Variants in SDK2 observed in about 807,000 individuals in gnomAD.
SDK2 encodes the protein protein sidekick-2.
A neutral mutation model predicts 253.9 loss-of-function variants in SDK2; 105 were observed. The ratio of observed to expected loss-of-function variants is 0.41; its 90% confidence interval spans 0.35 to 0.49. The LOEUF is 0.49. SDK2 is among the 20% of genes least tolerant of loss of function. The probability of loss-of-function intolerance (pLI) is 0.06; values close to 1 mark genes in which losing one functional copy is unlikely to be tolerated. For synonymous variants in SDK2, 1,249 were observed against 1,234.9 expected (o/e 1.01, Z -0.24); for missense variants, 2,608 against 3,003.0 (o/e 0.87, Z 3.07).
At chr17:73,572,487 A>C (rs2045401999) in intron 1 of SDK2, among the ~76,000 whole-genome samples, 4 of 146,882 alleles carry the variant, frequency 2.7e-5, no homozygotes, top group Non-Finnish European at 3.0e-5. Flanking sequence ...CCTTCCTCTC[A>C]TGCCAGCCTC....
chr17:73,511,191 A>C lies in SDK2; in HGVS notation c.65-3594T>G, dbSNP rs1271133977. Among the ~76,000 whole-genome samples, 1 of 152,198 alleles carries C rather than the reference A, an allele frequency of 6.6e-6. No individual in the cohort carries two copies. The highest frequency in any genetic ancestry group is 2.4e-5 in the African/African-American group (1 of 41,448). On this transcript the variant is annotated intron_variant, in intron 1 of 44. Transcript: ENST00000392650. The surrounding 1 kb of genome is among the most constrained non-coding windows in gnomAD (Gnocchi z 4.9). The stretch of plus-strand genomic sequence containing the variant: ...TCGCGCTTTTAAAAACCCTCTGTTC[A>C]TTGCTGTCATCACTCGTTTGTTTTA...
At chr17:73,399,889 C>T (rs769792345) in intron 21 of SDK2, among the ~76,000 whole-genome samples, 50 of 152,300 alleles carry the variant, frequency 3.3e-4, no homozygotes, top group Non-Finnish European at 4.0e-4. Flanking sequence ...CACAAGTTAT[C>T]CAACTCTCTG....
intron 1 of SDK2, among the ~76,000 whole-genome samples, chr17:73,605,959 G>T (rs1013659777): frequency 6.7e-6 from 1 of 150,346 alleles, no homozygotes; most frequent in African/African-American, 2.5e-5. Flanking sequence ...GTAGAGTTTG[G>T]TTTTTTCCTT....
At chr17:73,343,241 A>G (rs567600888) in intron 44 of SDK2, among the ~76,000 whole-genome samples, 10 of 152,328 alleles carry the variant, frequency 6.6e-5, no homozygotes, top group African/African-American at 2.4e-4. Flanking sequence ...AAGGCACTAG[A>G]AGGGAGAGCA....
chr17:73,498,248 C>T (rs2145740933), intron 2 of SDK2, among the ~76,000 whole-genome samples: 1 of 152,330 alleles, frequency 6.6e-6, no homozygotes, highest in East Asian at 1.9e-4. Context: ...GGTTTGTCCA[C>T]ACTACTCAAG....
chr17:73,367,138 G>A (rs919010969), intron 37 of SDK2, among the ~76,000 whole-genome samples: 2 of 152,022 alleles, frequency 1.3e-5, no homozygotes, highest in African/African-American at 2.4e-5. Context: ...TGAGTAGCTG[G>A]GATTGGAGAA....
At chr17:73,543,294 C>T (rs1328569672) in intron 1 of SDK2, among the ~76,000 whole-genome samples, 9 of 152,146 alleles carry the variant, frequency 5.9e-5, no homozygotes, top group Non-Finnish European at 8.8e-5. Context: ...AGTGATGGTG[C>T]CCGCACCCTC....
Position 73,368,583 on chromosome 17 carries a change from C to G in SDK2, c.4991G>C (p.Trp1664Ser), listed in dbSNP as rs1317976920. The G allele has an allele frequency of 1.9e-6, 3 of 1,582,758 alleles. No homozygotes were observed. The highest frequency in any genetic ancestry group is 2.6e-6 in the Non-Finnish European group (3 of 1,164,406). ...GDIQGYKIYF[W>S]EAQRGNLTER... ...TGTGAGGTTCCCCCGCTGGGCTTCCCAGAAATAAATCTGTGGGAACAGAAG... is the reference window on the plus strand; with the variant it reads ...TGTGAGGTTCCCCCGCTGGGCTTCCGAGAAATAAATCTGTGGGAACAGAAG... The change falls in exon 37 of 45, where the codon TGG becomes TCG. Residue 1664 changes from tryptophan to serine, a missense_variant. Physicochemically the swap from Trp to Ser is radical, Grantham distance 177. This residue lies in a region of SDK2 where 1,103 missense variants were observed against 1,143.9 expected (regional missense o/e 0.96). Coordinates refer to ENST00000392650, the MANE Select transcript of SDK2 (RefSeq NM_001144952.2).
rs200861505 is a variant in SDK2 at position 73,619,064 on chromosome 17, G to C, written c.64+24961C>G. Among the ~76,000 whole-genome samples, 4 of 151,976 alleles carry C rather than the reference G, an allele frequency of 2.6e-5. No individual in the cohort carries two copies. The East Asian group carries it at 7.7e-4, about 29-fold the overall frequency. On this transcript the variant is annotated intron_variant, in intron 1 of 44. Coordinates refer to ENST00000392650, the MANE Select transcript of SDK2 (RefSeq NM_001144952.2). ...TGCCTGTAATTCCAGCTACTCAGGAGGCTGAGACAAGAGAACTGCTTGAAC... is the reference window on the plus strand; with the variant it reads ...TGCCTGTAATTCCAGCTACTCAGGACGCTGAGACAAGAGAACTGCTTGAAC...
Position 73,368,459 on chromosome 17 carries a change from G to A in SDK2, c.5115C>T (p.Ala1705=), listed in dbSNP as rs376479672. 305 of 1,605,766 alleles carry A rather than the reference G, an allele frequency of 1.9e-4. 3 individuals are homozygous for A. The highest frequency in any genetic ancestry group is 1.6e-3 in the South Asian group (147 of 89,486). Residue 1705 remains alanine (A), a synonymous_variant, in exon 37 of 45, where the codon GCC becomes GCT. Transcript: ENST00000392650. ...AYMVSVAAFN[A]AGDGPRSTPT... Reference sequence around the variant, plus strand: ...GGGTGCTCCGAGGCCCATCCCCAGCGGCGTTGAAGGCGGCCACGCTGACCA... The same window carrying A: ...GGGTGCTCCGAGGCCCATCCCCAGCAGCGTTGAAGGCGGCCACGCTGACCA...
intron 1 of SDK2, among the ~76,000 whole-genome samples, chr17:73,563,466 T>C (rs987087090): frequency 4.6e-5 from 7 of 152,118 alleles, no homozygotes; most frequent in Non-Finnish European, 8.8e-5. Flanking sequence ...TAGTCCCAGC[T>C]GCTCAGAAGG....
In SDK2 at chr17:73,335,070, AG is replaced by A. The variant is rs2062367681; in HGVS notation, c.*3516del. The A allele has an allele frequency of 6.7e-6, 1 of 149,850 alleles. No individual in the cohort carries two copies. Among genetic ancestry groups the A allele is most frequent in the Admixed American group, 6.6e-5 (1 of 15,148 alleles). 9.3% of individuals were successfully genotyped at this position (149,850 alleles called of 1,614,324 possible). A position where few individuals can be genotyped will look rare whatever the true frequency, so the allele number is the denominator to read the frequency against. On this transcript the variant is annotated 3_prime_UTR_variant, in exon 45 of 45. Transcript: ENST00000392650. ...GTTTCCTCTAAATCACGGCAGTGCC[AG>A]GTTTGGGGGTAGGAGTTTTGGGGGC...
intron 3 of SDK2, among the ~76,000 whole-genome samples, chr17:73,461,786 T>C (rs74718111): frequency 0.02 from 3,082 of 152,218 alleles, 107 homozygotes; most frequent in African/African-American, 0.066. Flanking sequence ...GGCTGTTGTA[T>C]GTATATATGC....
At chr17:73,392,759 G>C (rs576237840) in intron 27 of SDK2, among the ~76,000 whole-genome samples, 61 of 152,226 alleles carry the variant, frequency 4.0e-4, no homozygotes, top group African/African-American at 1.5e-3. Flanking sequence ...GCAGTAGGTG[G>C]GGGCGTGTGC....
intron 29 of SDK2, among the ~76,000 whole-genome samples, chr17:73,389,860 G>GT (rs1158676714): frequency 6.6e-6 from 1 of 152,128 alleles, no homozygotes; most frequent in Non-Finnish European, 1.5e-5. Flanking sequence ...AGTGATTCTC[G>GT]TGTCTCAGCT....
chr17:73,634,072 C>T (rs985766267), intron 1 of SDK2, among the ~76,000 whole-genome samples: 1 of 152,148 alleles, frequency 6.6e-6, no homozygotes, highest in African/African-American at 2.4e-5. Flanking sequence ...GTGATAATGA[C>T]AGGTCTCAGC....
At position 73,529,752 on chromosome 17, in the gene SDK2, A is replaced by C. The variant is rs540675303; in HGVS notation, c.65-22155T>G. On this transcript the variant is annotated intron_variant, in intron 1 of 44. Coordinates refer to ENST00000392650, the MANE Select transcript of SDK2 (RefSeq NM_001144952.2). ...GCACCAAGGGTTGCCGGCAAACACCAAAAGCTAGAGACAGGCATGGAACAG... is the reference window on the plus strand; with the variant it reads ...GCACCAAGGGTTGCCGGCAAACACCCAAAGCTAGAGACAGGCATGGAACAG... Among the ~76,000 whole-genome samples, 20 of 152,258 alleles carry C rather than the reference A, an allele frequency of 1.3e-4. No homozygotes were observed. In the South Asian group the frequency reaches 3.9e-3, roughly 30 times the overall value.
At chr17:73,507,370 C>G in intron 2 of SDK2, 68 bp downstream of exon 2, 8 of 1,479,542 alleles carry the variant, frequency 5.4e-6, no homozygotes, top group Non-Finnish European at 6.4e-6. Context: ...CCCCTCCTCA[C>G]CATGCCCTCT....
chr17:73,622,632 A>G (rs2046147865), intron 1 of SDK2, among the ~76,000 whole-genome samples: 1 of 152,232 alleles, frequency 6.6e-6, no homozygotes, highest in Admixed American at 6.5e-5. Context: ...ACGTAGAGAC[A>G]CTTAGGGAAA....
Sources: allele counts gnomAD v4.1 joint callset (sites outside exome capture counted in the v4.1 genomes callset), GRCh38; gene constraint gnomAD v4.1.1; regional missense constraint gnomAD v4.1.1; non-coding constraint Gnocchi (gnomAD v3.1); transcripts MANE v1.5; gene names NCBI Gene and HGNC (gene_info 2026-07-23, HGNC 2026-07-21).